Variants in CEMIP2 observed in about 807,000 individuals in gnomAD.
CEMIP2 encodes cell surface hyaluronidase CEMIP2.
Under a neutral mutation model 146.9 loss-of-function variants are expected in CEMIP2, and 79 were observed. That is an observed-to-expected ratio of 0.54 (90% confidence interval 0.45 to 0.65). The LOEUF (loss-of-function observed/expected upper bound fraction) is 0.65, where lower values mean the gene tolerates loss of function less well. Ranked by LOEUF, CEMIP2 falls within the 30% of genes least tolerant of loss-of-function variation. CEMIP2 has a pLI of 0.00. For missense variants in CEMIP2, 1,596 were observed against 1,696.2 expected, an observed-to-expected ratio of 0.94 and a Z score of 1.04; for synonymous variants, 601 against 606.3, an observed-to-expected ratio of 0.99 and a Z score of 0.13.
At chr9:71,740,288 C>T in intron 4 of CEMIP2, 56 bp from the exon 5 acceptor site, 1 of 1,583,426 alleles carries the variant, frequency 6.3e-7, no homozygotes. Context: ...TCACAAAATC[C>T]CTGACAAAGA....
At chr9:71,737,143 T>A (rs1589155209) in intron 5 of CEMIP2, among the ~76,000 whole-genome samples, 3 of 105,460 alleles carry the variant, frequency 2.8e-5, no homozygotes, top group Admixed American at 1.0e-4. Context: ...GAGACAAGAG[T>A]AAGATCTTTC....
chr9:71,722,243 T>G (rs1038128501), intron 12 of CEMIP2, among the ~76,000 whole-genome samples, 184 bp downstream of exon 12: 13 of 152,208 alleles, frequency 8.5e-5, no homozygotes, highest in African/African-American at 3.1e-4. Context: ...AGTATTTCAA[T>G]AAGATAAAAG....
chr9:71,754,890 A>T (rs1037374155), intron 1 of CEMIP2, among the ~76,000 whole-genome samples: 2 of 46,186 alleles, frequency 4.3e-5, no homozygotes, highest in Non-Finnish European at 1.0e-4. Context: ...TAAAATATAC[A>T]AATGCTGTTA....
intron 12 of CEMIP2, among the ~76,000 whole-genome samples, chr9:71,721,864 T>C (rs1258300608): frequency 6.6e-6 from 1 of 152,232 alleles, no homozygotes; most frequent in African/African-American, 2.4e-5. Flanking sequence ...AAGAGAACTC[T>C]GCTGAAATGC....
At position 71,700,632 on chromosome 9, in the gene CEMIP2, A is replaced by G. The variant is rs1822531736; in HGVS notation, c.3377+10T>C. On this transcript the variant is annotated intron_variant, in intron 19 of 23. Transcript: ENST00000377044. ...GGAATAATTCTCATTCCCTGGTTTC[A>G]CTGAATTACCCCGTGCTGGAGTCAA... 1 of 1,559,532 alleles carries G rather than the reference A, an allele frequency of 6.4e-7. No homozygotes were observed. The highest frequency in any genetic ancestry group is 1.2e-5 in the South Asian group (1 of 84,096).
chr9:71,698,905 T>A (rs1320370859), intron 19 of CEMIP2, among the ~76,000 whole-genome samples: 3 of 152,082 alleles, frequency 2.0e-5, no homozygotes, highest in Non-Finnish European at 4.4e-5. Context: ...AAAAACTTGA[T>A]CAAGTGTGAT....
intron 20 of CEMIP2, among the ~76,000 whole-genome samples, chr9:71,695,891 G>A (rs1822385138): frequency 6.6e-6 from 1 of 152,076 alleles, no homozygotes; most frequent in African/African-American, 2.4e-5. Context: ...CAAAGTGGGA[G>A]GATCGCTTGA....
In CEMIP2 at chr9:71,745,247, C is replaced by A; in HGVS notation, c.805G>T (p.Val269Leu). 2 of 1,614,072 alleles carry A rather than the reference C, an allele frequency of 1.2e-6. No homozygotes were observed. The highest frequency in any genetic ancestry group is 1.7e-6 in the Non-Finnish European group (2 of 1,180,004). ...FEKDFSRGLN[V>L]RVIDQDTAKI... Reference sequence around the variant, plus strand: ...GCCGTGTCTTGGTCAATGACCCTCACATTGAGGCCCCGGGAAAAGTCCTTT... The same window carrying A: ...GCCGTGTCTTGGTCAATGACCCTCAAATTGAGGCCCCGGGAAAAGTCCTTT... Residue 269 changes from valine (V) to leucine (L), a missense_variant, in exon 4 of 24, where the codon GTG (valine) becomes TTG (leucine). By Grantham distance (32) the Val-to-Leu change is conservative. Transcript: ENST00000377044.
intron 18 of CEMIP2, among the ~76,000 whole-genome samples, chr9:71,701,559 A>T (rs1279039708): frequency 6.6e-6 from 1 of 152,190 alleles, no homozygotes; most frequent in South Asian, 2.1e-4. Context: ...GGAACTGTAC[A>T]TTGGCAAAAG....
At position 71,746,792 on chromosome 9, in the gene CEMIP2, C is replaced by T. The variant is rs72737994; in HGVS notation, c.332-451G>A. ...ACATTGATCAGGTCTTCACAAGTTC[C>T]TTCTTGCACACAGTGAATGATGAAG... On this transcript the variant is annotated intron_variant, in intron 2 of 23. Transcript: ENST00000377044. 4.8e-3 allele frequency among the ~76,000 whole-genome samples: 734 copies of T among 152,268 alleles called. 1 individual carries two copies. The highest frequency in any genetic ancestry group is 0.017 in the Middle Eastern group (5 of 294).
intron 1 of CEMIP2, among the ~76,000 whole-genome samples, chr9:71,753,558 T>C (rs1264219998): frequency 2.0e-5 from 3 of 152,218 alleles, no homozygotes; most frequent in Non-Finnish European, 4.4e-5. Context: ...CTCTACTTTA[T>C]TGAAAAATAT....
intron 21 of CEMIP2, among the ~76,000 whole-genome samples, chr9:71,694,276 G>A (rs760822553): frequency 1.8e-4 from 27 of 151,636 alleles, no homozygotes; most frequent in Non-Finnish European, 3.4e-4. Context: ...GCACCCACCC[G>A]CCTCTACGCC....
intron 18 of CEMIP2, among the ~76,000 whole-genome samples, chr9:71,702,255 C>G (rs1451883780): frequency 1.7e-5 from 2 of 115,098 alleles, no homozygotes; most frequent in South Asian, 2.9e-4. Flanking sequence ...AAGATGTTGT[C>G]TCAAGGAAAA....
Position 71,734,884 on chromosome 9 carries a change from C to G in CEMIP2, c.1315G>C (p.Asp439His). The change falls in exon 6 of 24, where the codon GAC (aspartate) becomes CAC (histidine). Residue 439 changes from aspartate (D) to histidine (H), a missense_variant. Asp to His is a moderately conservative substitution (Grantham distance 81). Transcript: ENST00000377044. ...TCCTCTGCTTGGTACATGGAATAGT[C>G]TGTGCTTGCGACCACAATCTGGTCT... The part of the protein sequence containing the change: ...PGDQIVVAST[D>H]YSMYQAEEFT... 3 of 1,613,994 alleles carry G rather than the reference C, an allele frequency of 1.9e-6. No homozygotes were observed. Among genetic ancestry groups the G allele is most frequent in the Non-Finnish European group, 2.5e-6 (3 of 1,180,000 alleles).
At position 71,685,762 on chromosome 9, in the gene CEMIP2, T is replaced by TAATCCCAGA; in HGVS notation, c.3935_3936insTCTGGGATT (p.Pro1312_Ala1313insLeuGlyLeu). On this transcript the variant is annotated inframe_insertion, in exon 23 of 24. Coordinates refer to ENST00000377044, the MANE Select transcript of CEMIP2 (RefSeq NM_013390.3). Reference sequence around the variant, plus strand: ...ACAAACCTTTGTCATAAAGATGAGCTGGTTTGGCTAATCCCAGAGGTACTA... The same window carrying TAATCCCAGA: ...ACAAACCTTTGTCATAAAGATGAGCTAATCCCAGAGGTTTGGCTAATCCCAGAGGTACTA... 1.9e-6 allele frequency: 3 copies of TAATCCCAGA among 1,613,656 alleles called. No homozygotes were observed. The South Asian group carries it at 3.3e-5, about 18-fold the overall frequency.
chr9:71,695,973 C>A (rs1321202989), intron 20 of CEMIP2, among the ~76,000 whole-genome samples: 4 of 151,936 alleles, frequency 2.6e-5, no homozygotes, highest in Admixed American at 1.3e-4. Flanking sequence ...AAAAAAATTA[C>A]CCACAAATTT....
intron 16 of CEMIP2, 148 bp downstream of exon 16, chr9:71,711,935 T>C (rs1356197275): frequency 2.0e-5 from 15 of 741,998 alleles, no homozygotes; most frequent in Non-Finnish European, 1.9e-5. Flanking sequence ...TGGGAGAGAG[T>C]GCATGGAATT....
intron 1 of CEMIP2, among the ~76,000 whole-genome samples, chr9:71,758,934 C>T (rs1049860267): frequency 6.6e-6 from 1 of 152,182 alleles, no homozygotes; most frequent in Non-Finnish European, 1.5e-5. Flanking sequence ...TTTCCTTCAA[C>T]TCTCAAAAAT....
chr9:71,768,022 C>T (rs1282170079), intron 1 of CEMIP2, among the ~76,000 whole-genome samples: 2 of 152,164 alleles, frequency 1.3e-5, no homozygotes, highest in Non-Finnish European at 2.9e-5. Context: ...TTTGAAAGGT[C>T]CATTGTTCCC....
Sources: gnomAD v4.1 joint callset for allele counts (sites outside exome capture counted in the v4.1 genomes callset) on GRCh38, gnomAD v4.1.1 for gene constraint, MANE v1.5 for transcripts, NCBI Gene and HGNC (gene_info 2026-07-23, HGNC 2026-07-21) for gene names.